The following ANXA4 variants were observed in gnomAD, a reference collection of about 807,000 sequenced individuals.
ANXA4 encodes the protein annexin A4, also known as 35-beta calcimedin.
A neutral mutation model predicts 49.8 loss-of-function variants in ANXA4; 39 were observed. The observed-to-expected ratio is 0.78, with a 90% confidence interval of 0.61 to 1.02. The LOEUF (loss-of-function observed/expected upper bound fraction) is 1.02. ANXA4 is among the 50% of genes least tolerant of loss of function. The pLI, the probability that ANXA4 is intolerant of heterozygous loss-of-function variation, is 0.00. For missense variants in ANXA4, 360 were observed against 410.1 expected (o/e 0.88, Z 1.05); for synonymous variants, 134 against 152.5 (o/e 0.88, Z 0.89).
At chr2:69,764,315 G>C (rs753631136) in intron 1 of ANXA4, among the ~76,000 whole-genome samples, 1 of 152,128 alleles carries the variant, frequency 6.6e-6, no homozygotes, top group East Asian at 1.9e-4. Flanking sequence ...ATGTTTCCTC[G>C]AGGGACTTTG....
chr2:69,817,549 A>G (rs913926206), intron 9 of ANXA4: 1 of 152,216 alleles, frequency 6.6e-6, no homozygotes, highest in African/African-American at 2.4e-5. Flanking sequence ...GAAAAGATGA[A>G]ATAATATAGA....
At chr2:69,695,584 G>A (rs1203910934) in intron 2 of ANXA4, among the ~76,000 whole-genome samples, 3 of 152,210 alleles carry the variant, frequency 2.0e-5, no homozygotes, top group African/African-American at 7.2e-5. Context: ...CGAAGTGGAG[G>A]AGAAACCACG....
intron 2 of ANXA4, among the ~76,000 whole-genome samples, chr2:69,675,696 A>C (rs1677382336): frequency 6.6e-6 from 1 of 152,100 alleles, no homozygotes; most frequent in African/African-American, 2.4e-5. Context: ...AGTTGTGGGG[A>C]TAGATGATGA....
intron 1 of ANXA4, among the ~76,000 whole-genome samples, chr2:69,758,942 T>G (rs1325747658): frequency 6.6e-6 from 1 of 152,026 alleles, no homozygotes; most frequent in Non-Finnish European, 1.5e-5. Flanking sequence ...AGACCCGTCT[T>G]GGCAACATGG....
intron 1 of ANXA4, among the ~76,000 whole-genome samples, chr2:69,645,525 C>G (rs1396797): frequency 0.14 from 21,349 of 152,204 alleles, 3,225 homozygotes; most frequent in East Asian, 0.39. Flanking sequence ...CTTTTTTAAA[C>G]AAGCTGTGCT....
chr2:69,670,767 T>G (rs934164587), intron 2 of ANXA4, among the ~76,000 whole-genome samples: 1 of 152,078 alleles, frequency 6.6e-6, no homozygotes, highest in African/African-American at 2.4e-5. Flanking sequence ...CTCACACCTG[T>G]AATCCCAGCA....
rs147060409 is a variant in ANXA4 at position 69,773,614 on chromosome 2, T to C, written c.-46-7906T>C. Among the ~76,000 whole-genome samples, 993 of 147,492 alleles carry C rather than the reference T, an allele frequency of 6.7e-3. 11 individuals are homozygous for C. The highest frequency in any genetic ancestry group is 0.023 in the African/African-American group (931 of 40,164). ...TTCTCCTTTCTTTTCTTTTCTTTTC[T>C]TTCCTTCTTTTTTTTTTTTTTTTTT... On this transcript the variant is annotated intron_variant, in intron 1 of 12. Coordinates refer to ENST00000394295, the MANE Select transcript of ANXA4 (RefSeq NM_001153.5).
At position 69,663,293 on chromosome 2, in the gene ANXA4, CTTTTTTTTTTTTT is replaced by C. The variant is rs55970370; in HGVS notation, n.766+10033_766+10045del. On this transcript the variant is annotated intron_variant and non_coding_transcript_variant, in intron 2 of 3. Transcript: ENST00000418066. ...ACAGGCGTGAGCCAATGCACCCGGC[CTTTTTTTTTTTTT>C]TTTTTTTTTTTTTTTTTTTTTGCTA... Among the ~76,000 whole-genome samples the C allele has an allele frequency of 6.3e-4, 27 of 42,836 alleles. No homozygotes were observed. In the Admixed American group the frequency reaches 6.8e-3, roughly 11 times the overall value. The allele number at this position is 42,836 out of a possible 152,430, so 28.1% of individuals were successfully genotyped here.
chr2:69,785,788 A>C (rs1672388213), intron 2 of ANXA4, among the ~76,000 whole-genome samples: 1 of 152,096 alleles, frequency 6.6e-6, no homozygotes, highest in African/African-American at 2.4e-5. Flanking sequence ...TCTTAGACCA[A>C]GCGCCAACTA....
chr2:69,665,587 T>C (rs1021344827), intron 2 of ANXA4, among the ~76,000 whole-genome samples: 1 of 152,194 alleles, frequency 6.6e-6, no homozygotes, highest in Non-Finnish European at 1.5e-5. Context: ...AAGTGAGTTT[T>C]AGCCTAGACT....
At chr2:69,712,069 G>A (rs951867353) in intron 2 of ANXA4, among the ~76,000 whole-genome samples, 2 of 151,036 alleles carry the variant, frequency 1.3e-5, no homozygotes, top group East Asian at 1.9e-4. Flanking sequence ...TTTTCCTGGG[G>A]GGTCTTAGAC....
At chr2:69,701,388 G>A (rs889389488) in intron 2 of ANXA4, among the ~76,000 whole-genome samples, 5 of 151,882 alleles carry the variant, frequency 3.3e-5, no homozygotes, top group East Asian at 3.9e-4. Flanking sequence ...TGTCCCTCCC[G>A]CTAGCAAACA....
At position 69,649,742 on chromosome 2, in the gene ANXA4, G is replaced by A. The variant is rs576761257; in HGVS notation, n.482-3256G>A. 2.0e-4 allele frequency among the ~76,000 whole-genome samples: 30 copies of A among 149,940 alleles called. No homozygotes were observed. The South Asian group carries it at 5.9e-3, about 29-fold the overall frequency. ...TCCTCTCACCTTAGCCTTCTGAGTA[G>A]CTGGAACTACAGGCTCACACCACCA... is the stretch of plus-strand genomic sequence containing the variant. On this transcript the variant is annotated intron_variant and non_coding_transcript_variant, in intron 1 of 3. Coordinates refer to the ANXA4 transcript ENST00000418066.
At chr2:69,779,223 A>C (rs1476776596) in intron 1 of ANXA4, among the ~76,000 whole-genome samples, 1 of 151,232 alleles carries the variant, frequency 6.6e-6, no homozygotes, top group Admixed American at 6.6e-5. Context: ...CTTGAAAATT[A>C]TGTTTGTAAA....
At chr2:69,807,880 G>A in intron 5 of ANXA4, 26 bp from the exon 6 acceptor site, 1 of 1,607,070 alleles carries the variant, frequency 6.2e-7, no homozygotes, top group Non-Finnish European at 8.5e-7. Flanking sequence ...GGCTCATATA[G>A]CCCTGTCCTC....
intron 2 of ANXA4, among the ~76,000 whole-genome samples, chr2:69,680,842 T>C (rs1360924678): frequency 6.6e-6 from 1 of 152,200 alleles, no homozygotes; most frequent in Non-Finnish European, 1.5e-5. Context: ...CTTACATCCC[T>C]GAGATAAATC....
chr2:69,714,442 TAA>T (rs922401635), intron 2 of ANXA4, among the ~76,000 whole-genome samples: 1 of 152,202 alleles, frequency 6.6e-6, no homozygotes, highest in African/African-American at 2.4e-5. Context: ...CCTAAGAATA[TAA>T]GAGACGGGGC....
chr2:69,728,641 A>G (rs1242389005), intron 3 of ANXA4, among the ~76,000 whole-genome samples: 1 of 152,184 alleles, frequency 6.6e-6, no homozygotes, highest in Non-Finnish European at 1.5e-5. Flanking sequence ...TTTCCTCACT[A>G]CACTGCCAAC....
chr2:69,692,787 A>C (rs1295162083), intron 2 of ANXA4, among the ~76,000 whole-genome samples: 18 of 152,254 alleles, frequency 1.2e-4, no homozygotes, highest in Admixed American at 1.2e-3. Context: ...AAATGTCTTT[A>C]GTGTATTTTA....
Sources: gnomAD v4.1 joint callset for allele counts (sites outside exome capture counted in the v4.1 genomes callset) on GRCh38, gnomAD v4.1.1 for gene constraint, MANE v1.5 for transcripts, NCBI Gene and HGNC (gene_info 2026-07-23, HGNC 2026-07-21) for gene names.